NOC3L: variants seen among roughly 807,000 people sequenced by gnomAD.
The protein encoded by NOC3L is NOC3 like DNA replication regulator.
Under a neutral mutation model 102.5 loss-of-function variants are expected in NOC3L, and 85 were observed. The observed-to-expected ratio is 0.83, with a 90% CI of 0.70 to 0.99. NOC3L has a LOEUF of 0.99. NOC3L is among the 50% of genes least tolerant of loss of function. The pLI, the probability that NOC3L is intolerant of heterozygous loss-of-function variation, is 0.00. For synonymous variants in NOC3L, 303 were observed against 309.4 expected, an observed-to-expected ratio of 0.98 and a Z score of 0.22; for missense variants, 878 against 914.9, an observed-to-expected ratio of 0.96 and a Z score of 0.52.
intron 5 of NOC3L, among the ~76,000 whole-genome samples, chr10:94,355,449 G>A (rs2054472380): frequency 6.7e-6 from 1 of 150,280 alleles, no homozygotes; most frequent in Non-Finnish European, 1.5e-5. Context: ...GGAGTACAGT[G>A]GCACTATCAC....
chr10:94,321,954 AGAG>A, the NOC3L span: 61 of 1,613,822 alleles, frequency 3.8e-5, no homozygotes, highest in Middle Eastern at 1.6e-4. Flanking sequence ...TCTTGAGCTC[AGAG>A]GAGGAGAGTT....
Position 94,346,562 on chromosome 10 carries a change from A to G in NOC3L, c.1258-6T>C. Reference sequence around the variant, plus strand: ...CATAAAAATGTTTTTAACATCTAATATTGGAAAAAAAACACAAATATACAG... The same window carrying G: ...CATAAAAATGTTTTTAACATCTAATGTTGGAAAAAAAACACAAATATACAG... On this transcript the variant is annotated splice_region_variant and splice_polypyrimidine_tract_variant and intron_variant, in intron 10 of 20. Coordinates refer to ENST00000371361, the MANE Select transcript of NOC3L (RefSeq NM_022451.11). 7.5e-7 allele frequency: 1 copy of G among 1,341,580 alleles called. No individual in the cohort carries two copies. Among genetic ancestry groups the G allele is most frequent in the East Asian group, 2.8e-5 (1 of 35,782 alleles). 83.1% of individuals were successfully genotyped at this position (1,341,580 alleles called of 1,614,324 possible). A position where few individuals can be genotyped will look rare whatever the true frequency, so the allele number is the denominator to read the frequency against.
At chr10:94,357,939 A>G (rs1221138780) in intron 3 of NOC3L, 144 bp downstream of exon 3, 7 of 626,432 alleles carry the variant, frequency 1.1e-5, no homozygotes, top group Non-Finnish European at 2.0e-5. Flanking sequence ...AACCTCCTTT[A>G]TTTAGGAAAT....
chr10:94,361,824 T>C lies in NOC3L; in HGVS notation c.58A>G (p.Ser20Gly), dbSNP rs2054554929. The C allele has an allele frequency of 2.5e-6, 4 of 1,613,616 alleles. No individual in the cohort carries two copies. Among genetic ancestry groups the C allele is most frequent in the Non-Finnish European group, 3.4e-6 (4 of 1,179,824 alleles). ...AGCTTGTTTTCAAGTTTGACTTTAC[T>C]AGTTTTTATTAACTTGCGAAAGCTT... ...IPSFRKLIKT[S>G]KVKLENKLKN... Residue 20 changes from serine (S) to glycine (G), a missense_variant, in exon 2 of 21, where the codon AGT becomes GGT. Physicochemically the swap from Ser to Gly is moderately conservative, Grantham distance 56 (BLOSUM62 0). Coordinates refer to ENST00000371361, the MANE Select transcript of NOC3L (RefSeq NM_022451.11).
At chr10:94,326,755 G>C in the NOC3L span, among the ~76,000 whole-genome samples, 692 of 152,298 alleles carry the variant, frequency 4.5e-3, 3 homozygotes, top group Non-Finnish European at 7.0e-3. Flanking sequence ...TTGTCCTGTA[G>C]CAAGTAGATA....
At chr10:94,320,909 T>C in the NOC3L span, among the ~76,000 whole-genome samples, 1 of 152,138 alleles carries the variant, frequency 6.6e-6, no homozygotes, top group East Asian at 1.9e-4. Flanking sequence ...GACAGTGGGG[T>C]ATTTTGTGGC....
chr10:94,339,921 C>CTAAAACA lies in NOC3L; in HGVS notation c.1781-8_1781-2dup. 6.2e-7 allele frequency: 1 copy of CTAAAACA among 1,611,966 alleles called. No homozygotes were observed. On this transcript the variant is annotated splice_acceptor_variant, in intron 16 of 20. Coordinates refer to ENST00000371361, the MANE Select transcript of NOC3L (RefSeq NM_022451.11). LOFTEE classifies it high-confidence loss of function. ...ATCTCAACACCTTCATTGGTAGCAC[C>CTAAAACA]TAAAACAGCAGACATATTCTTCAGA...
At chr10:94,320,981 C>T in the NOC3L span, among the ~76,000 whole-genome samples, 110 of 152,236 alleles carry the variant, frequency 7.2e-4, 1 homozygote, top group Non-Finnish European at 1.3e-3. Context: ...CTTATTGATA[C>T]GCTTCTGTAC....
chr10:94,324,798 G>T, the NOC3L span: 1 of 1,292,842 alleles, frequency 7.7e-7, no homozygotes, highest in Non-Finnish European at 1.1e-6. Flanking sequence ...CAAAGCTCTA[G>T]AGAGAAGAGG....
At chr10:94,342,729 CAA>C (rs748792344) in intron 13 of NOC3L, among the ~76,000 whole-genome samples, 38 of 81,008 alleles carry the variant, frequency 4.7e-4, no homozygotes, top group Non-Finnish European at 4.9e-4. Flanking sequence ...TTTACAAAAC[CAA>C]AAAAAAAAAA....
At chr10:94,361,513 C>T (rs2054550678) in intron 2 of NOC3L, 152 bp downstream of exon 2, 1 of 665,276 alleles carries the variant, frequency 1.5e-6, no homozygotes, top group Non-Finnish European at 2.6e-6. Flanking sequence ...AGCATATATG[C>T]TTTATAGCAG....
chr10:94,361,758 ACTT>A lies in NOC3L; in HGVS notation c.121_123del (p.Lys41del). 6.2e-7 allele frequency: 1 copy of A among 1,613,508 alleles called. No individual in the cohort carries two copies. The highest frequency in any genetic ancestry group is 8.5e-7 in the Non-Finnish European group (1 of 1,179,720). On this transcript the variant is annotated inframe_deletion, in exon 2 of 21. Transcript: ENST00000371361. Reference sequence around the variant, plus strand: ...CTTAGTTTCCTCTGTTCTTTTCGGTACTTCTTGAGAGTGCTTTGTTGTTTAAAC... The same window carrying A: ...CTTAGTTTCCTCTGTTCTTTTCGGTACTTGAGAGTGCTTTGTTGTTTAAAC...
At position 94,339,838 on chromosome 10, in the gene NOC3L, C is replaced by A. The variant is rs893528427; in HGVS notation, c.1863G>T (p.Gln621His). The A allele has an allele frequency of 2.5e-6, 4 of 1,614,048 alleles. No individual in the cohort carries two copies. In the South Asian group the frequency reaches 4.4e-5, roughly 18 times the overall value. ...LTKRRKQVSQQRALAFIKRLC... is the reference protein window; with the variant it reads ...LTKRRKQVSQHRALAFIKRLC... ...GGCGTTTGATGAAGGCAAGAGCTCGCTGCTGAGAAACTTGCTTTCTGCGCT... is the reference window on the plus strand; with the variant it reads ...GGCGTTTGATGAAGGCAAGAGCTCGATGCTGAGAAACTTGCTTTCTGCGCT... The change falls in exon 17 of 21, where the codon CAG (glutamine) becomes CAT (histidine). Residue 621 changes from glutamine to histidine, a missense_variant. Coordinates refer to ENST00000371361, the MANE Select transcript of NOC3L (RefSeq NM_022451.11).
intron 2 of NOC3L, among the ~76,000 whole-genome samples, chr10:94,359,631 T>C (rs1211126774): frequency 6.6e-6 from 1 of 152,100 alleles, no homozygotes; most frequent in Non-Finnish European, 1.5e-5. Context: ...AACAGGTATA[T>C]GAAAAGGTGC....
intron 2 of NOC3L, 111 bp from the exon 3 acceptor site, chr10:94,358,326 C>A: frequency 1.5e-6 from 1 of 688,944 alleles, no homozygotes; most frequent in Non-Finnish European, 2.6e-6. Flanking sequence ...CTGAAGCAAT[C>A]CTCCCACTCC....
intron 2 of NOC3L, among the ~76,000 whole-genome samples, chr10:94,360,714 G>A (rs72814645): frequency 0.013 from 1,917 of 152,102 alleles, 15 homozygotes; most frequent in South Asian, 0.025. Flanking sequence ...TGGATTGTTC[G>A]TAACACAAAG....
intron 13 of NOC3L, 94 bp downstream of exon 13, chr10:94,344,321 A>G: frequency 1.4e-6 from 1 of 692,076 alleles, no homozygotes; most frequent in South Asian, 2.1e-5. Flanking sequence ...ATGAGAACTG[A>G]GGATAATGGG....
chr10:94,351,690 A>G (rs1422314623), intron 8 of NOC3L, among the ~76,000 whole-genome samples: 2 of 148,194 alleles, frequency 1.3e-5, no homozygotes, highest in African/African-American at 5.0e-5. Flanking sequence ...CATCATGCCT[A>G]ATTTTTTTTT....
chr10:94,355,068 C>T lies in NOC3L; in HGVS notation c.591G>A (p.Glu197=), dbSNP rs942720105. The change falls in exon 6 of 21, where the codon GAG becomes GAA. Residue 197 remains glutamate (E), a synonymous_variant. Transcript: ENST00000371361. ...EEEIIEDPIQ[E]LTIEEHLIER... ...CAATCAAATGTTCTTCTATGGTCAGCTCTTGAATAGGATCTTCAATGATCT... is the reference window on the plus strand; with the variant it reads ...CAATCAAATGTTCTTCTATGGTCAGTTCTTGAATAGGATCTTCAATGATCT... 1.3e-5 allele frequency: 21 copies of T among 1,612,204 alleles called. No individual in the cohort carries two copies. In the African/African-American group the frequency reaches 2.5e-4, roughly 19 times the overall value.
Sources: allele counts gnomAD v4.1 joint callset (sites outside exome capture counted in the v4.1 genomes callset), GRCh38; gene constraint gnomAD v4.1.1; transcripts MANE v1.5; gene names NCBI Gene and HGNC (gene_info 2026-07-23, HGNC 2026-07-21).